SND1: variants seen among roughly 807,000 people sequenced by gnomAD.
SND1 encodes staphylococcal nuclease and tudor domain containing 1, also known as staphylococcal nuclease domain-containing protein 1.
Under a neutral mutation model 121.7 loss-of-function variants are expected in SND1, and 38 were observed. The observed-to-expected ratio is 0.31, with a 90% CI of 0.24 to 0.41. The LOEUF (loss-of-function observed/expected upper bound fraction) is 0.41, where lower values mean the gene tolerates loss of function less well. SND1 is among the 10% of genes least tolerant of loss of function. The probability of loss-of-function intolerance (pLI) is 1.00; values close to 1 mark genes in which losing one functional copy is unlikely to be tolerated. For missense variants in SND1, 868 were observed against 1,184.6 expected, an observed-to-expected ratio of 0.73 and a Z score of 3.92; for synonymous variants, 401 against 447.4, an observed-to-expected ratio of 0.90 and a Z score of 1.31.
intron 5 of SND1, among the ~76,000 whole-genome samples, 154 bp from the exon 6 acceptor site, chr7:127,702,281 T>C (rs1176197577): frequency 6.6e-6 from 1 of 152,214 alleles, no homozygotes; most frequent in Non-Finnish European, 1.5e-5. Context: ...TTATGTAAAC[T>C]CTCATGATCT....
intron 1 of SND1, among the ~76,000 whole-genome samples, chr7:127,685,407 C>A (rs971384575): frequency 6.6e-6 from 1 of 152,148 alleles, no homozygotes; most frequent in Admixed American, 6.5e-5. Flanking sequence ...ACTAACCTTT[C>A]GAAGCTATTT....
At chr7:127,660,086 G>T (rs1343078490) in intron 1 of SND1, among the ~76,000 whole-genome samples, 1 of 151,294 alleles carries the variant, frequency 6.6e-6, no homozygotes, top group Non-Finnish European at 1.5e-5. Context: ...TGGAAGACCA[G>T]AGAGTTAGAA....
intron 16 of SND1, among the ~76,000 whole-genome samples, chr7:128,071,433 CTG>C (rs1341080231): frequency 5.3e-5 from 8 of 152,304 alleles, no homozygotes; most frequent in African/African-American, 1.9e-4. Flanking sequence ...GTATATATCT[CTG>C]TGTCTATCTT....
At chr7:127,817,721 CTTTTTTTTT>C (rs72233818) in intron 11 of SND1, among the ~76,000 whole-genome samples, 11 of 104,098 alleles carry the variant, frequency 1.1e-4, no homozygotes, top group South Asian at 9.6e-4. Context: ...TTCCTTCATA[CTTTTTTTTT>C]TTTTTTTTTT....
In SND1 at chr7:127,837,388, TTAAA is replaced by T. The variant is rs1247469275; in HGVS notation, c.1243-6931_1243-6928del. ...GACACGATGTTTTAGAAATTTTGCA[TTAAA>T]TAAAAAATCATATTAAAATTAATTT... On this transcript the variant is annotated intron_variant, in intron 11 of 23. Transcript: ENST00000354725. 2.4e-4 allele frequency among the ~76,000 whole-genome samples: 37 copies of T among 152,304 alleles called. No homozygotes were observed. The East Asian group carries it at 5.8e-3, about 24-fold the overall frequency.
chr7:127,943,554 G>A (rs1199254129), intron 15 of SND1, among the ~76,000 whole-genome samples: 1 of 152,062 alleles, frequency 6.6e-6, no homozygotes, highest in Admixed American at 6.5e-5. Flanking sequence ...GCTTCTTTTG[G>A]TCTCTGTGCC....
rs139332871 is a variant in SND1, at chr7:127,721,014, C to T, written c.1039-273C>T. 6.6e-4 allele frequency among the ~76,000 whole-genome samples: 101 copies of T among 152,116 alleles called. 1 individual carries two copies. The highest frequency in any genetic ancestry group is 2.1e-3 in the African/African-American group (89 of 41,516). On this transcript the variant is annotated intron_variant, in intron 9 of 23. Transcript: ENST00000354725. ...CCAGTTCTTAAGCTTTGTAGTGAAC[C>T]ACAAATCTTTGTCAGGGCAAAAATA...
At chr7:127,986,593 T>C (rs931508451) in intron 15 of SND1, among the ~76,000 whole-genome samples, 1 of 151,490 alleles carries the variant, frequency 6.6e-6, no homozygotes, top group Non-Finnish European at 1.5e-5. Flanking sequence ...TTTTATTTCC[T>C]TTTGTTTTGT....
chr7:127,771,626 T>G (rs1221941589), intron 10 of SND1, among the ~76,000 whole-genome samples: 3 of 152,098 alleles, frequency 2.0e-5, no homozygotes, highest in Non-Finnish European at 1.5e-5. Flanking sequence ...AAAGAAGTCT[T>G]AAAAAGCACC....
chr7:127,681,963 A>G (rs698407), intron 1 of SND1, among the ~76,000 whole-genome samples: 143,823 of 152,290 alleles, frequency 0.94, 68,356 homozygotes, highest in Non-Finnish European at 1. Flanking sequence ...TTGCAGAGCT[A>G]GTAAGATGCC....
intron 16 of SND1, among the ~76,000 whole-genome samples, chr7:128,068,679 G>T (rs1255399871): frequency 6.6e-6 from 1 of 152,194 alleles, no homozygotes; most frequent in Non-Finnish European, 1.5e-5. Flanking sequence ...CAGCCACGGA[G>T]CTGGGGGCTG....
intron 1 of SND1, among the ~76,000 whole-genome samples, chr7:127,680,828 A>G (rs1795710766): frequency 6.6e-6 from 1 of 151,662 alleles, no homozygotes; most frequent in African/African-American, 2.4e-5. Flanking sequence ...TCACAAGGGT[A>G]TTGATTGGGG....
intron 15 of SND1, among the ~76,000 whole-genome samples, chr7:127,964,513 T>C (rs1236937959): frequency 6.6e-6 from 1 of 151,520 alleles, no homozygotes; most frequent in Non-Finnish European, 1.5e-5. Context: ...AAATAGGGAA[T>C]CCTTTCCCCA....
chr7:127,844,898 G>A (rs1280839370), intron 12 of SND1, among the ~76,000 whole-genome samples: 3 of 152,176 alleles, frequency 2.0e-5, no homozygotes, highest in Non-Finnish European at 4.4e-5. Flanking sequence ...TAGATTCCAA[G>A]GTCTGTTGGC....
chr7:128,003,822 C>G (rs981880149), intron 16 of SND1, among the ~76,000 whole-genome samples: 5 of 152,172 alleles, frequency 3.3e-5, no homozygotes, highest in Admixed American at 3.3e-4. Context: ...ATAGCTGTAT[C>G]TTACCATCAT....
chr7:127,839,588 G>A (rs1194474184), intron 11 of SND1, among the ~76,000 whole-genome samples: 6 of 152,174 alleles, frequency 3.9e-5, no homozygotes, highest in Admixed American at 1.3e-4. Flanking sequence ...GAATTCTGTT[G>A]TGTGGCCCAT....
At chr7:128,073,278 G>A (rs142476635) in intron 16 of SND1, among the ~76,000 whole-genome samples, 24 of 152,184 alleles carry the variant, frequency 1.6e-4, no homozygotes, top group Non-Finnish European at 5.9e-5. Context: ...TCTCTTTTTC[G>A]TTAATAACTC....
chr7:127,952,960 C>T (rs1049219302), intron 15 of SND1, among the ~76,000 whole-genome samples: 4 of 151,918 alleles, frequency 2.6e-5, no homozygotes, highest in Admixed American at 6.6e-5. Flanking sequence ...CCCAGGAGTT[C>T]GAGACCAGCC....
chr7:128,048,573 G>A (rs6962635), intron 16 of SND1, among the ~76,000 whole-genome samples: 31,578 of 152,042 alleles, frequency 0.21, 3,729 homozygotes, highest in Middle Eastern at 0.29. Flanking sequence ...GGAAAAACAC[G>A]CAGCCTGTTT....
Sources: allele counts gnomAD v4.1 joint callset (sites outside exome capture counted in the v4.1 genomes callset), GRCh38; gene constraint gnomAD v4.1.1; transcripts MANE v1.5; gene names NCBI Gene and HGNC (gene_info 2026-07-23, HGNC 2026-07-21).